LSM3: variants seen among roughly 807,000 people sequenced by gnomAD.
The protein encoded by LSM3 is U6 snRNA-associated Sm-like protein LSm3.
LSM3 carries 14 observed loss-of-function variants against 15.4 expected under a neutral mutation model. The ratio of observed to expected loss-of-function variants is 0.91; its 90% CI spans 0.60 to 1.42. The LOEUF (loss-of-function observed/expected upper bound fraction) is 1.42. Among genes scored for constraint, LSM3 ranks in the 40% most tolerant of loss-of-function variants. LSM3 has a pLI of 0.00. For missense variants in LSM3, 88 were observed against 127.9 expected (o/e 0.69, Z 1.50); for synonymous variants, 46 against 45.1 (o/e 1.02, Z -0.08).
chr3:14,184,999 G>A (rs531907660), intron 3 of LSM3, among the ~76,000 whole-genome samples: 1 of 152,158 alleles, frequency 6.6e-6, no homozygotes, highest in South Asian at 2.1e-4. Context: ...GGAGGTTGCA[G>A]TGAGCTGAGA....
chr3:14,188,943 C>T (rs1318634308), intron 3 of LSM3, among the ~76,000 whole-genome samples: 1 of 152,062 alleles, frequency 6.6e-6, no homozygotes, highest in East Asian at 1.9e-4. Flanking sequence ...CTAATGTTAT[C>T]CCTCCCCTAG....
Position 14,198,092 on chromosome 3 carries a change from T to G in LSM3, c.285T>G (p.Val95=). 1 of 1,613,722 alleles carries G rather than the reference T, an allele frequency of 6.2e-7. No homozygotes were observed. Among genetic ancestry groups the G allele is most frequent in the Non-Finnish European group, 8.5e-7 (1 of 1,179,856 alleles). The change falls in exon 4 of 4, where the codon GTT becomes GTG. Residue 95 remains valine (V), a synonymous_variant. Transcript: ENST00000306024. ...LFVRGDGVVL[V]APPLRVG ...TCCGGGGAGATGGCGTTGTCCTGGT[T>G]GCCCCTCCACTGAGAGTTGGCTGAA... is the stretch of plus-strand genomic sequence containing the variant.
chr3:14,188,645 C>G (rs1033675523), intron 3 of LSM3, among the ~76,000 whole-genome samples: 1 of 152,048 alleles, frequency 6.6e-6, no homozygotes, highest in Non-Finnish European at 1.5e-5. Flanking sequence ...TCACAGTGCT[C>G]TTTCCCTTTC....
rs1400271241 is a variant in LSM3, at chr3:14,199,891, G to A, written c.*1775G>A. The A allele has an allele frequency of 2.6e-5, 4 of 152,436 alleles. No homozygotes were observed. Among genetic ancestry groups the A allele is most frequent in the Non-Finnish European group, 4.4e-5 (3 of 68,206 alleles). The allele number at this position is 152,436 out of a possible 1,614,324, so 9.4% of individuals were successfully genotyped here. On this transcript the variant is annotated 3_prime_UTR_variant, in exon 4 of 4. Coordinates refer to ENST00000306024, the MANE Select transcript of LSM3 (RefSeq NM_014463.3). ...GGTACCAAGGCCCTGGCTCTGGGCAGTCTGTTGGCTCCTGGTGTTCACTAA... is the reference window on the plus strand; with the variant it reads ...GGTACCAAGGCCCTGGCTCTGGGCAATCTGTTGGCTCCTGGTGTTCACTAA...
At chr3:14,184,065 A>G (rs1056194448) in intron 3 of LSM3, 33 bp downstream of exon 3, 8 of 1,585,016 alleles carry the variant, frequency 5.0e-6, no homozygotes, top group East Asian at 2.3e-5. Flanking sequence ...TTGCTTTGCA[A>G]ATATCAGCTG....
intron 1 of LSM3, among the ~76,000 whole-genome samples, chr3:14,180,369 A>C (rs1697016354): frequency 6.6e-6 from 1 of 151,714 alleles, no homozygotes; most frequent in Admixed American, 6.6e-5. Flanking sequence ...GCTCACTGCA[A>C]CCTCTGCCTC....
chr3:14,184,575 G>T (rs1482666554), intron 3 of LSM3, among the ~76,000 whole-genome samples: 1 of 150,896 alleles, frequency 6.6e-6, no homozygotes, highest in African/African-American at 2.4e-5. Context: ...TAAAAAAACG[G>T]TGAAACCCCG....
intron 2 of LSM3, among the ~76,000 whole-genome samples, chr3:14,183,448 G>A (rs114231397): frequency 0.01 from 1,538 of 152,242 alleles, 24 homozygotes; most frequent in African/African-American, 0.036. Flanking sequence ...TTCTCTCTGC[G>A]ACATGTGGTC....
rs1322516754 is a variant in LSM3 at position 14,201,104 on chromosome 3, A to C, written c.*2988A>C. 6.6e-6 allele frequency: 1 copy of C among 152,260 alleles called. No individual in the cohort carries two copies. The highest frequency in any genetic ancestry group is 2.4e-5 in the African/African-American group (1 of 41,462). The allele number at this position is 152,260 out of a possible 1,614,324, so 9.4% of individuals were successfully genotyped here. On this transcript the variant is annotated 3_prime_UTR_variant, in exon 4 of 4. Coordinates refer to ENST00000306024, the MANE Select transcript of LSM3 (RefSeq NM_014463.3). ...AAAATTAATAAAAGTTCCAGGAGTCATCCTGGCTAGATCAAGAAGCACAGT... is the reference window on the plus strand; with the variant it reads ...AAAATTAATAAAAGTTCCAGGAGTCCTCCTGGCTAGATCAAGAAGCACAGT...
rs549922582 is a variant in LSM3, at chr3:14,200,169, C to T, written c.*2053C>T. Reference sequence around the variant, plus strand: ...TCTGACACTGTTACTCTCATATGCACACACAACTAAAACATACCAACCTAC... The same window carrying T: ...TCTGACACTGTTACTCTCATATGCATACACAACTAAAACATACCAACCTAC... On this transcript the variant is annotated 3_prime_UTR_variant, in exon 4 of 4. Transcript: ENST00000306024. The T allele has an allele frequency of 8.5e-5, 13 of 152,324 alleles. No homozygotes were observed. The South Asian group carries it at 2.7e-3, about 32-fold the overall frequency. The allele number at this position is 152,324 out of a possible 1,614,324, so 9.4% of individuals were successfully genotyped here.
At chr3:14,194,649 A>G (rs1697171618) in intron 3 of LSM3, among the ~76,000 whole-genome samples, 1 of 152,002 alleles carries the variant, frequency 6.6e-6, no homozygotes, top group African/African-American at 2.4e-5. Flanking sequence ...CATTACAAGG[A>G]CTGCAGATCC....
rs1297064276 is a variant in LSM3 at position 14,199,235 on chromosome 3, T to C, written c.*1119T>C. The C allele has an allele frequency of 6.6e-6, 1 of 152,246 alleles. No homozygotes were observed. The highest frequency in any genetic ancestry group is 1.5e-5 in the Non-Finnish European group (1 of 68,044). 9.4% of individuals were successfully genotyped at this position (152,246 alleles called of 1,614,324 possible). On this transcript the variant is annotated 3_prime_UTR_variant, in exon 4 of 4. Coordinates refer to ENST00000306024, the MANE Select transcript of LSM3 (RefSeq NM_014463.3). Reference sequence around the variant, plus strand: ...GTGACACAGTAAAGCAGAAATTGGCTGAAAGCAAAGCTGTTTTTATTTCTA... The same window carrying C: ...GTGACACAGTAAAGCAGAAATTGGCCGAAAGCAAAGCTGTTTTTATTTCTA...
At chr3:14,191,538 C>T (rs9744471) in intron 3 of LSM3, among the ~76,000 whole-genome samples, 6,876 of 152,190 alleles carry the variant, frequency 0.045, 355 homozygotes, top group East Asian at 0.22. Context: ...GGAATTTATC[C>T]ATTTCTTCTA....
At chr3:14,181,711 C>T (rs1301882678) in intron 2 of LSM3, 41 bp downstream of exon 2, 5 of 1,333,502 alleles carry the variant, frequency 3.7e-6, no homozygotes, top group Non-Finnish European at 5.4e-6. Flanking sequence ...CAGATTCCTT[C>T]CTACCCCCAC....
chr3:14,187,904 T>C (rs897078015), intron 3 of LSM3, among the ~76,000 whole-genome samples: 2 of 152,244 alleles, frequency 1.3e-5, no homozygotes, highest in Non-Finnish European at 2.9e-5. Context: ...GTCTGTGTTA[T>C]TTGACCCAGA....
chr3:14,183,599 G>T (rs1464314074), intron 2 of LSM3, among the ~76,000 whole-genome samples: 2 of 152,188 alleles, frequency 1.3e-5, no homozygotes, highest in Non-Finnish European at 2.9e-5. Context: ...AGATGAATCT[G>T]CTGTTTTTCA....
At position 14,191,605 on chromosome 3, in the gene LSM3, A is replaced by G. The variant is rs896845442; in HGVS notation, c.229-6431A>G. Among the ~76,000 whole-genome samples the G allele has an allele frequency of 8.5e-5, 13 of 152,080 alleles. No homozygotes were observed. In the South Asian group the frequency reaches 1.2e-3, roughly 15 times the overall value. ...ATATTATTCTCTGATGGTAGTTTGT[A>G]TTTCTGTGGGATCAGTGGTGACATC... On this transcript the variant is annotated intron_variant, in intron 3 of 3. Transcript: ENST00000306024.
intron 1 of LSM3, 144 bp downstream of exon 1, chr3:14,179,025 C>G: frequency 1.2e-6 from 1 of 848,932 alleles, no homozygotes; most frequent in Non-Finnish European, 1.9e-6. Context: ...ACCCCCCCTC[C>G]GAATTTTGCC....
chr3:14,188,727 T>G (rs1178379912), intron 3 of LSM3, among the ~76,000 whole-genome samples: 1 of 151,336 alleles, frequency 6.6e-6, no homozygotes, highest in Non-Finnish European at 1.5e-5. Context: ...ATAATTTAAC[T>G]GTTTTCCTGT....
Sources: allele counts gnomAD v4.1 joint callset (sites outside exome capture counted in the v4.1 genomes callset), GRCh38; gene constraint gnomAD v4.1.1; transcripts MANE v1.5; gene names NCBI Gene and HGNC (gene_info 2026-07-23, HGNC 2026-07-21).